Variants in SLC4A4 observed in about 807,000 individuals in gnomAD.
The protein encoded by SLC4A4 is solute carrier family 4 member 4.
Under a neutral mutation model 111.5 loss-of-function variants are expected in SLC4A4, and 27 were observed. The ratio of observed to expected loss-of-function variants is 0.24; its 90% CI spans 0.18 to 0.33. The LOEUF is 0.33. Among genes scored for constraint, SLC4A4 ranks in the 10% least tolerant of loss-of-function variants. The pLI is 1.00. For synonymous variants in SLC4A4, 443 were observed against 463.4 expected, an observed-to-expected ratio of 0.96 and a Z score of 0.57; for missense variants, 909 against 1,315.5, an observed-to-expected ratio of 0.69 and a Z score of 4.78.
intron 3 of SLC4A4, among the ~76,000 whole-genome samples, chr4:71,294,174 A>G (rs1271220819): frequency 6.6e-6 from 1 of 152,218 alleles, no homozygotes; most frequent in East Asian, 1.9e-4. Context: ...TAAATAAAAT[A>G]AGCAGTAAGA....
intron 1 of SLC4A4, among the ~76,000 whole-genome samples, chr4:71,076,208 A>G (rs983234798): frequency 1.4e-4 from 22 of 152,132 alleles, no homozygotes; most frequent in African/African-American, 5.3e-4. Flanking sequence ...CGAGAATGTT[A>G]TCTGGAAAAT....
chr4:71,145,738 G>A (rs1744146763), intron 2 of SLC4A4, among the ~76,000 whole-genome samples: 1 of 152,168 alleles, frequency 6.6e-6, no homozygotes, highest in Non-Finnish European at 1.5e-5. Flanking sequence ...TTTGCGTAGA[G>A]GTGTTTATAG....
chr4:71,138,899 G>A (rs992680590), intron 2 of SLC4A4, among the ~76,000 whole-genome samples: 30 of 152,126 alleles, frequency 2.0e-4, no homozygotes, highest in Non-Finnish European at 3.8e-4. Context: ...AGCCAGGCGT[G>A]GTGGTGGGCG....
intron 2 of SLC4A4, among the ~76,000 whole-genome samples, chr4:71,169,463 A>C (rs529115200): frequency 1.3e-5 from 2 of 152,250 alleles, no homozygotes; most frequent in Admixed American, 6.5e-5. Flanking sequence ...GATGTCGAGC[A>C]CCTTTTCATA....
At chr4:71,260,452 T>G (rs1721776091) in intron 3 of SLC4A4, among the ~76,000 whole-genome samples, 1 of 152,118 alleles carries the variant, frequency 6.6e-6, no homozygotes, top group African/African-American at 2.4e-5. Context: ...GAGAAAAGGC[T>G]TTGGAAATGT....
intron 1 of SLC4A4, among the ~76,000 whole-genome samples, chr4:71,212,357 G>A (rs1271985571): frequency 6.6e-6 from 1 of 152,204 alleles, no homozygotes; most frequent in Non-Finnish European, 1.5e-5. Flanking sequence ...TCAGGATCAG[G>A]AATGGATCTA....
intron 14 of SLC4A4, among the ~76,000 whole-genome samples, chr4:71,482,550 C>T (rs1728978591): frequency 6.6e-6 from 1 of 151,574 alleles, no homozygotes; most frequent in Non-Finnish European, 1.5e-5. Context: ...GAATATCTTT[C>T]CTCCTCAGTC....
chr4:71,143,630 T>C (rs536348712), intron 2 of SLC4A4, among the ~76,000 whole-genome samples: 28 of 152,362 alleles, frequency 1.8e-4, no homozygotes, highest in African/African-American at 6.3e-4. Context: ...GACTTTTTAA[T>C]GATCGCCATT....
At chr4:71,558,533 G>T (rs1736671437) in intron 22 of SLC4A4, among the ~76,000 whole-genome samples, 2 of 151,846 alleles carry the variant, frequency 1.3e-5, no homozygotes, top group African/African-American at 4.8e-5. Context: ...TCTGTATTTG[G>T]CATCACTACT....
chr4:71,150,677 T>C (rs72648786), intron 2 of SLC4A4, among the ~76,000 whole-genome samples: 6,091 of 152,244 alleles, frequency 0.04, 182 homozygotes, highest in Non-Finnish European at 0.068. Flanking sequence ...TTCATATAAG[T>C]GTGCAGAGAT....
intron 5 of SLC4A4, among the ~76,000 whole-genome samples, chr4:71,355,019 C>T (rs962793729): frequency 6.6e-6 from 1 of 152,114 alleles, no homozygotes; most frequent in Non-Finnish European, 1.5e-5. Context: ...AGGATTTTGT[C>T]GTTTATACTT....
Position 71,225,201 on chromosome 4 carries a change from A to G in SLC4A4, c.-1-11375A>G, listed in dbSNP as rs377012592. ...ACCCCATCTCTACTAAAAATACACA[A>G]GTTAGCTGGGCATGGTGGCGCATGC... is the stretch of plus-strand genomic sequence containing the variant. On this transcript the variant is annotated intron_variant, in intron 1 of 25. Transcript: ENST00000264485. 9.9e-5 allele frequency among the ~76,000 whole-genome samples: 15 copies of G among 152,236 alleles called. No homozygotes were observed. In the South Asian group the frequency reaches 3.1e-3, roughly 32 times the overall value.
rs1004164199 is a variant in SLC4A4 at position 71,204,336 on chromosome 4, A to G, written c.-2+16935A>G. Among the ~76,000 whole-genome samples the G allele has an allele frequency of 5.9e-5, 9 of 152,204 alleles. No individual in the cohort carries two copies. The East Asian group carries it at 7.7e-4, about 13-fold the overall frequency. ...CAAGCATGTCTTTCTGTTTACCAGG[A>G]AGCCATTATGACAGAGTCTGGAAAT... On this transcript the variant is annotated intron_variant, in intron 1 of 25. Coordinates refer to ENST00000264485, the MANE Select transcript of SLC4A4 (RefSeq NM_001098484.3).
intron 3 of SLC4A4, among the ~76,000 whole-genome samples, chr4:71,319,735 C>A (rs137946419): frequency 9.2e-5 from 14 of 151,948 alleles, no homozygotes; most frequent in Admixed American, 8.5e-4. Context: ...ATTCCTCCAG[C>A]CATGGATGTA....
intron 7 of SLC4A4, among the ~76,000 whole-genome samples, chr4:71,401,705 C>T (rs926758773): frequency 6.6e-6 from 1 of 152,092 alleles, no homozygotes; most frequent in Non-Finnish European, 1.5e-5. Context: ...TCATTTTACC[C>T]CTTAGCTTTA....
intron 2 of SLC4A4, among the ~76,000 whole-genome samples, chr4:71,096,085 G>A (rs779029793): frequency 3.3e-5 from 5 of 152,120 alleles, no homozygotes; most frequent in Admixed American, 6.6e-5. Flanking sequence ...GAGGAAGGCC[G>A]GGAGAGGGTT....
chr4:71,462,354 T>A (rs935161562), intron 12 of SLC4A4, among the ~76,000 whole-genome samples: 1 of 151,874 alleles, frequency 6.6e-6, no homozygotes, highest in African/African-American at 2.4e-5. Flanking sequence ...CTCCAAGACA[T>A]GCTCTTTGTG....
intron 3 of SLC4A4, among the ~76,000 whole-genome samples, chr4:71,304,533 T>G (rs1418409905): frequency 6.6e-6 from 1 of 152,260 alleles, no homozygotes. Flanking sequence ...CTGATTCAAA[T>G]GCTGATCTCG....
At chr4:71,419,256 G>T (rs1369306402) in intron 7 of SLC4A4, among the ~76,000 whole-genome samples, 1 of 152,232 alleles carries the variant, frequency 6.6e-6, no homozygotes, top group African/African-American at 2.4e-5. Flanking sequence ...GTCTGCAGAG[G>T]TTACTGCTGT....
Sources: allele counts gnomAD v4.1 joint callset (sites outside exome capture counted in the v4.1 genomes callset), GRCh38; gene constraint gnomAD v4.1.1; transcripts MANE v1.5; gene names NCBI Gene and HGNC (gene_info 2026-07-23, HGNC 2026-07-21).